ZNF335: variants seen among roughly 807,000 people sequenced by gnomAD.
ZNF335 encodes NRC-interacting factor 1.
In ZNF335, 84 loss-of-function variants were observed where a neutral mutation model predicts 145.6. That is an observed-to-expected ratio of 0.58 (90% CI 0.48 to 0.69). The LOEUF (loss-of-function observed/expected upper bound fraction) is 0.69, where lower values mean the gene tolerates loss of function less well. Ranked by LOEUF, ZNF335 falls within the 30% of genes least tolerant of loss-of-function variation. ZNF335 has a pLI of 0.00. For missense variants in ZNF335, 1,865 were observed against 1,809.7 expected (o/e 1.03, Z -0.55); for synonymous variants, 761 against 717.0 (o/e 1.06, Z -0.98).
Position 45,950,250 on chromosome 20 carries a change from G to C in ZNF335, c.3456C>G (p.Asn1152Lys), listed in dbSNP as rs2083605557. 1 of 1,549,892 alleles carries C rather than the reference G, an allele frequency of 6.5e-7. No individual in the cohort carries two copies. The highest frequency in any genetic ancestry group is 2.3e-5 in the East Asian group (1 of 44,406). ...TQTPTQTIIL[N>K]SDDETLATLH... ...GGGTGGCCAGTGTTTCGTCATCACT[G>C]TTCAGGATGATGGTCTGGGTTGGGG... The change falls in exon 22 of 28, where the codon AAC (asparagine) becomes AAG (lysine). Residue 1152 changes from asparagine to lysine, a missense_variant. By Grantham distance (94) the Asn-to-Lys change is moderately conservative (BLOSUM62 0). Transcript: ENST00000322927.
chr20:45,956,594 G>T (rs544944922), intron 17 of ZNF335, among the ~76,000 whole-genome samples: 1 of 152,020 alleles, frequency 6.6e-6, no homozygotes, highest in South Asian at 2.1e-4. Flanking sequence ...AGATTGGCAT[G>T]GGAACAGGAG....
intron 19 of ZNF335, 32 bp downstream of exon 19, chr20:45,952,566 G>T: frequency 6.2e-7 from 1 of 1,612,064 alleles, no homozygotes; most frequent in South Asian, 1.1e-5. Flanking sequence ...GGGGAGGGAG[G>T]TGGGGGAGTG....
rs143113106 is a variant in ZNF335 at position 45,950,261 on chromosome 20, T to A, written c.3445A>T (p.Ile1149Phe). ...GTTTCGTCATCACTGTTCAGGATGA[T>A]GGTCTGGGTTGGGGTCTGGGTAGGG... ...RAPTQTPTQT[I>F]ILNSDDETLA... The change falls in exon 22 of 28, where the codon ATC becomes TTC. Residue 1149 changes from isoleucine (I) to phenylalanine (F), a missense_variant. Ile to Phe is a conservative substitution (Grantham distance 21). Transcript: ENST00000322927. 1.3e-6 allele frequency: 2 copies of A among 1,551,158 alleles called. No individual in the cohort carries two copies. The highest frequency in any genetic ancestry group is 1.7e-6 in the Non-Finnish European group (2 of 1,148,336).
chr20:45,950,066 G>A lies in ZNF335; in HGVS notation c.3491C>T (p.Ala1164Val). The change falls in exon 23 of 28, where the codon GCA (alanine) becomes GTA (valine). Residue 1164 changes from alanine (A) to valine (V), a missense_variant. By Grantham distance (64) the Ala-to-Val change is moderately conservative. Coordinates refer to ENST00000322927, the MANE Select transcript of ZNF335 (RefSeq NM_022095.4). ...DDETLATLHTALQSSHGVLGP... is the reference protein window; with the variant it reads ...DDETLATLHTVLQSSHGVLGP... ...CAGGACCCCGTGACTGGACTGGAGT[G>A]CAGCTGGGCAGAGAGGAGAGGATGC... The A allele has an allele frequency of 6.2e-7, 1 of 1,613,512 alleles. No individual in the cohort carries two copies. Among genetic ancestry groups the A allele is most frequent in the Non-Finnish European group, 8.5e-7 (1 of 1,179,808 alleles).
intron 1 of ZNF335, chr20:45,971,913 G>A: frequency 1.0e-6 from 1 of 985,448 alleles, no homozygotes; most frequent in Non-Finnish European, 1.2e-6. Flanking sequence ...GCTGTCCCCG[G>A]CGCTGCCTGT....
At chr20:45,954,636 G>A (rs1171978999) in intron 17 of ZNF335, among the ~76,000 whole-genome samples, 4 of 151,996 alleles carry the variant, frequency 2.6e-5, no homozygotes, top group Non-Finnish European at 5.9e-5. Context: ...CATATATGGA[G>A]CTCCTGCAAA....
chr20:45,949,153 A>C lies in ZNF335; in HGVS notation c.3901+17T>G. 4 of 1,613,578 alleles carry C rather than the reference A, an allele frequency of 2.5e-6. No homozygotes were observed. In the South Asian group the frequency reaches 4.4e-5, roughly 18 times the overall value. ...GTCCATACCCAGCCCCATGCTCCTCAGGATCCAGCTCCATACCTGTGACAG... is the reference window on the plus strand; with the variant it reads ...GTCCATACCCAGCCCCATGCTCCTCCGGATCCAGCTCCATACCTGTGACAG... On this transcript the variant is annotated intron_variant, in intron 27 of 27. Coordinates refer to ENST00000322927, the MANE Select transcript of ZNF335 (RefSeq NM_022095.4).
intron 6 of ZNF335, chr20:45,967,111 C>A (rs1375272466): frequency 8.4e-5 from 17 of 203,294 alleles, no homozygotes; most frequent in African/African-American, 2.3e-5. Context: ...GGCATGCTGG[C>A]AGGCACCTGT....
intron 17 of ZNF335, among the ~76,000 whole-genome samples, chr20:45,957,139 C>A (rs184306648): frequency 2.3e-3 from 352 of 152,230 alleles, no homozygotes; most frequent in Middle Eastern, 0.01. Context: ...TGAACCAAGA[C>A]CCCTGGAACG....
rs769417988 is a variant in ZNF335, at chr20:45,960,347, C to T, written c.1881G>A (p.Glu627=). ...GTGCCTTCTTGTCTTCACAAACAAA[C>T]TCACAGAACTCACACTTGAACCTGG... The part of the protein sequence containing the change: ...ANRRFKCEFC[E]FVCEDKKALL... The change falls in exon 14 of 28, where the codon GAG becomes GAA. Residue 627 remains glutamate, a synonymous_variant. Coordinates refer to ENST00000322927, the MANE Select transcript of ZNF335 (RefSeq NM_022095.4). 6 of 1,614,138 alleles carry T rather than the reference C, an allele frequency of 3.7e-6. No individual in the cohort carries two copies. Among genetic ancestry groups the T allele is most frequent in the East Asian group, 2.2e-5 (1 of 44,904 alleles).
Position 45,967,765 on chromosome 20 carries a change from C to T in ZNF335, c.783G>A (p.Leu261=). 1 of 1,613,222 alleles carries T rather than the reference C, an allele frequency of 6.2e-7. No homozygotes were observed. Among genetic ancestry groups the T allele is most frequent in the Admixed American group, 1.7e-5 (1 of 60,004 alleles). ...QYRSSTKATL[L]RHMRERHFRP... is the part of the protein sequence containing the mutation. ...GGAAGTGGCGTTCCCGCATGTGGCG[C>T]AGCAGTGTGGCCTTGGTGCTGCTCC... The change falls in exon 5 of 28, where the codon CTG becomes CTA. Residue 261 remains leucine (L), a synonymous_variant. Coordinates refer to ENST00000322927, the MANE Select transcript of ZNF335 (RefSeq NM_022095.4).
intron 1 of ZNF335, 40 bp from the exon 2 acceptor site, chr20:45,971,500 T>C (rs1481338900): frequency 6.5e-7 from 1 of 1,545,752 alleles, no homozygotes; most frequent in African/African-American, 1.4e-5. Flanking sequence ...AAGTGGGCCA[T>C]CTCCCCAGCC....
intron 24 of ZNF335, 51 bp downstream of exon 24, chr20:45,949,749 G>C: frequency 6.2e-7 from 1 of 1,601,742 alleles, no homozygotes; most frequent in Non-Finnish European, 8.6e-7. Context: ...GTAGGTCTTT[G>C]GGAGGGTAGG....
At chr20:45,951,955 G>A (rs978106290) in intron 20 of ZNF335, among the ~76,000 whole-genome samples, 192 bp downstream of exon 20, 6 of 152,232 alleles carry the variant, frequency 3.9e-5, no homozygotes, top group African/African-American at 7.2e-5. Context: ...CATTAGTCAC[G>A]TTGTGTGTGG....
At chr20:45,950,739 T>A in intron 20 of ZNF335, 144 bp from the exon 21 acceptor site, 1 of 1,079,608 alleles carries the variant, frequency 9.3e-7, no homozygotes, top group Non-Finnish European at 1.3e-6. Flanking sequence ...AGAAGCTGGG[T>A]AGAAAGGCCA....
Position 45,972,163 on chromosome 20 carries a change from G to A in ZNF335, c.-92C>T, listed in dbSNP as rs1406139996. On this transcript the variant is annotated 5_prime_UTR_variant, in exon 1 of 28. Coordinates refer to ENST00000322927, the MANE Select transcript of ZNF335 (RefSeq NM_022095.4). ...CACGTTCCTCTCTGACTCCGGCATCGACGAGGTCGCCATCCTCTTTCCTCC... is the reference window on the plus strand; with the variant it reads ...CACGTTCCTCTCTGACTCCGGCATCAACGAGGTCGCCATCCTCTTTCCTCC... The A allele has an allele frequency of 3.1e-6, 4 of 1,289,382 alleles. No individual in the cohort carries two copies. The African/African-American group carries it at 6.1e-5, about 20-fold the overall frequency. The allele number at this position is 1,289,382 out of a possible 1,614,324, so 79.9% of individuals were successfully genotyped here.
chr20:45,957,220 G>A (rs975877493), intron 17 of ZNF335, among the ~76,000 whole-genome samples: 3 of 152,160 alleles, frequency 2.0e-5, no homozygotes, highest in Admixed American at 6.5e-5. Context: ...GAATGAGGGC[G>A]CTCTTGTGGA....
At chr20:45,955,206 A>C (rs2083705567) in intron 17 of ZNF335, among the ~76,000 whole-genome samples, 1 of 151,666 alleles carries the variant, frequency 6.6e-6, no homozygotes, top group Admixed American at 6.6e-5. Context: ...AAAATAAAAG[A>C]AGCCAGTCGT....
At chr20:45,959,566 C>T (rs1600533263) in intron 14 of ZNF335, 133 bp from the exon 15 acceptor site, 1 of 622,462 alleles carries the variant, frequency 1.6e-6, no homozygotes, top group East Asian at 3.4e-5. Context: ...TAGGCAAACA[C>T]ATGCCACTGT....
Sources: allele counts gnomAD v4.1 joint callset (sites outside exome capture counted in the v4.1 genomes callset), GRCh38; gene constraint gnomAD v4.1.1; transcripts MANE v1.5; gene names NCBI Gene and HGNC (gene_info 2026-07-23, HGNC 2026-07-21).